The following ATE1 variants were observed in gnomAD, a reference collection of about 807,000 sequenced individuals.
The protein encoded by ATE1 is arginyl-tRNA--protein transferase 1.
A neutral mutation model predicts 70.5 loss-of-function variants in ATE1; 36 were observed. That is an observed-to-expected ratio of 0.51 (90% CI 0.39 to 0.67). The LOEUF is 0.67. Among genes scored for constraint, ATE1 ranks in the 30% least tolerant of loss-of-function variants. The pLI, the probability that ATE1 is intolerant of heterozygous loss-of-function variation, is 0.00. For missense variants in ATE1, 593 were observed against 629.5 expected, an observed-to-expected ratio of 0.94 and a Z score of 0.62; for synonymous variants, 232 against 219.3, an observed-to-expected ratio of 1.06 and a Z score of -0.51.
intron 7 of ATE1, among the ~76,000 whole-genome samples, chr10:121,895,352 G>T (rs1009812797): frequency 2.0e-5 from 3 of 152,236 alleles, no homozygotes; most frequent in African/African-American, 7.2e-5. Context: ...GCTCACGTCT[G>T]TAGTCCTAGC....
chr10:121,769,019 A>G (rs1220881698), intron 11 of ATE1, among the ~76,000 whole-genome samples: 1 of 119,744 alleles, frequency 8.4e-6, no homozygotes, highest in African/African-American at 3.0e-5. Flanking sequence ...AAGTCTCTGT[A>G]AGAATTTTTA....
chr10:121,890,734 A>T (rs1283867383), intron 7 of ATE1, among the ~76,000 whole-genome samples: 1 of 152,232 alleles, frequency 6.6e-6, no homozygotes, highest in Non-Finnish European at 1.5e-5. Context: ...ATAGAATTTC[A>T]GCTAAAATCT....
At chr10:121,818,213 C>A in intron 10 of ATE1, among the ~76,000 whole-genome samples, 1 of 134,244 alleles carries the variant, frequency 7.4e-6, no homozygotes, top group South Asian at 2.3e-4. Context: ...ACTGAGATTG[C>A]ACCACTGCAC....
rs778557337 is a variant in ATE1, at chr10:121,904,640, C to CAAA, written c.584-2023_584-2021dup. Among the ~76,000 whole-genome samples the CAAA allele has an allele frequency of 4.2e-3, 195 of 46,394 alleles. 2 individuals carry two copies. The highest frequency in any genetic ancestry group is 0.01 in the East Asian group (14 of 1,358). The allele number at this position is 46,394 out of a possible 152,430, so 30.4% of individuals were successfully genotyped here. On this transcript the variant is annotated intron_variant, in intron 5 of 11. Coordinates refer to ENST00000224652, the MANE Select transcript of ATE1 (RefSeq NM_001001976.3). ...TGGGTGACAGAGCGAGACTCCGTCT[C>CAAA]AAAAAAAAAAAAAAAAAAAAAAATC...
At chr10:121,830,549 C>G (rs1468330694) in intron 10 of ATE1, among the ~76,000 whole-genome samples, 1 of 152,140 alleles carries the variant, frequency 6.6e-6, no homozygotes, top group African/African-American at 2.4e-5. Flanking sequence ...AATTCTCAAA[C>G]CTCAGGTATC....
chr10:121,784,131 A>G (rs560606457), intron 11 of ATE1, among the ~76,000 whole-genome samples: 1 of 152,372 alleles, frequency 6.6e-6, no homozygotes, highest in Admixed American at 6.5e-5. Context: ...TAGTTGCTAA[A>G]TGGAAATCTT....
intron 10 of ATE1, among the ~76,000 whole-genome samples, chr10:121,791,101 T>A (rs377341197): frequency 0.26 from 37,605 of 142,762 alleles, 5,543 homozygotes; most frequent in Middle Eastern, 0.31. Context: ...TATATATTTT[T>A]TTTTTTTTTT....
At chr10:121,766,530 T>G (rs550633177) in intron 11 of ATE1, among the ~76,000 whole-genome samples, 1 of 152,246 alleles carries the variant, frequency 6.6e-6, no homozygotes, top group Admixed American at 6.5e-5. Flanking sequence ...TGGGTTTTCT[T>G]TTTGCCTCAT....
chr10:121,761,788 T>C (rs1419837788), intron 11 of ATE1, among the ~76,000 whole-genome samples: 1 of 152,232 alleles, frequency 6.6e-6, no homozygotes, highest in African/African-American at 2.4e-5. Flanking sequence ...CCAATCTGTA[T>C]ATAATCTCTG....
chr10:121,878,670 C>T (rs1466592899), intron 7 of ATE1, among the ~76,000 whole-genome samples: 1 of 151,380 alleles, frequency 6.6e-6, no homozygotes, highest in Non-Finnish European at 1.5e-5. Flanking sequence ...ACACTATAAA[C>T]TTAAAAATTA....
chr10:121,857,492 CT>C (rs1949290888), intron 8 of ATE1, among the ~76,000 whole-genome samples: 1 of 152,138 alleles, frequency 6.6e-6, no homozygotes, highest in South Asian at 2.1e-4. Flanking sequence ...ACTACATTTT[CT>C]TTATCCACTC....
intron 2 of ATE1, among the ~76,000 whole-genome samples, chr10:121,923,026 A>G (rs979119829): frequency 2.0e-5 from 3 of 152,118 alleles, no homozygotes; most frequent in African/African-American, 2.4e-5. Flanking sequence ...AGTCCTCATC[A>G]TCGCACATCT....
chr10:121,801,613 T>C (rs1261020957), intron 10 of ATE1, among the ~76,000 whole-genome samples: 2 of 152,188 alleles, frequency 1.3e-5, no homozygotes, highest in Non-Finnish European at 2.9e-5. Context: ...TAAATATGCA[T>C]ATGAATATTC....
intron 1 of ATE1, chr10:121,926,985 C>T (rs935351739): frequency 1.0e-6 from 1 of 985,398 alleles, no homozygotes; most frequent in Non-Finnish European, 1.2e-6. Flanking sequence ...CAAATCATTC[C>T]CCACTTACAC....
intron 10 of ATE1, among the ~76,000 whole-genome samples, chr10:121,810,456 G>A (rs188120888): frequency 1.3e-5 from 2 of 152,140 alleles, no homozygotes; most frequent in East Asian, 3.9e-4. Context: ...ATTTTTAGTA[G>A]AGACGGGGTT....
intron 10 of ATE1, among the ~76,000 whole-genome samples, chr10:121,832,698 G>T (rs1271747564): frequency 1.3e-5 from 2 of 152,180 alleles, no homozygotes; most frequent in East Asian, 1.9e-4. Flanking sequence ...ATGTGGAGTT[G>T]TAAGTCCAAT....
At chr10:121,774,248 A>C (rs991692259) in intron 11 of ATE1, among the ~76,000 whole-genome samples, 2 of 152,312 alleles carry the variant, frequency 1.3e-5, no homozygotes, top group Admixed American at 6.5e-5. Context: ...ATGAACTTTT[A>C]AAAACACGCA....
intron 8 of ATE1, among the ~76,000 whole-genome samples, chr10:121,848,876 A>G (rs1276994843): frequency 6.6e-6 from 1 of 151,580 alleles, no homozygotes; most frequent in Non-Finnish European, 1.5e-5. Flanking sequence ...ACGCCACTGC[A>G]CTCCAGCCTG....
intron 10 of ATE1, among the ~76,000 whole-genome samples, chr10:121,790,567 T>C (rs186754318): frequency 6.4e-4 from 98 of 152,320 alleles, no homozygotes; most frequent in Non-Finnish European, 1.3e-3. Flanking sequence ...AAATATTCAA[T>C]GTGATTCTTG....
Sources: gnomAD v4.1 joint callset for allele counts (sites outside exome capture counted in the v4.1 genomes callset) on GRCh38, gnomAD v4.1.1 for gene constraint, MANE v1.5 for transcripts, NCBI Gene and HGNC (gene_info 2026-07-23, HGNC 2026-07-21) for gene names.